RTL4: variants seen among roughly 807,000 people sequenced by gnomAD.
RTL4 encodes retrotransposon Gag-like protein 4.
In RTL4, 4 loss-of-function variants were observed where a neutral mutation model predicts 5.3. The observed-to-expected ratio is 0.75, with a 90% CI of 0.37 to 1.72. The LOEUF is 1.72. Ranked by LOEUF, RTL4 falls within the 40% of genes most tolerant of loss-of-function variation. The pLI, the probability that RTL4 is intolerant of heterozygous loss-of-function variation, is 0.04. For synonymous variants in RTL4, 98 were observed against 87.3 expected, an observed-to-expected ratio of 1.12 and a Z score of -0.68; for missense variants, 260 against 227.1, an observed-to-expected ratio of 1.14 and a Z score of -0.93.
chrX:112,121,418 T>A, the RTL4 span, among the ~76,000 whole-genome samples: 1 of 111,807 alleles, frequency 8.9e-6, no homozygotes, highest in African/African-American at 3.2e-5. Context: ...AAGTATAAAT[T>A]ATGAAAGATA....
the RTL4 span, among the ~76,000 whole-genome samples, chrX:112,262,817 G>A: frequency 9.0e-6 from 1 of 110,805 alleles, no homozygotes; most frequent in East Asian, 2.8e-4. Flanking sequence ...ATGATAGACT[G>A]GATTAAGAAA....
chrX:112,405,612 A>G, the RTL4 span, among the ~76,000 whole-genome samples: 1 of 111,423 alleles, frequency 9.0e-6, no homozygotes. Context: ...GAGGTAGTAG[A>G]TGGAGGCTAT....
At chrX:112,256,441 T>C in the RTL4 span, among the ~76,000 whole-genome samples, 1 of 112,180 alleles carries the variant, frequency 8.9e-6, no homozygotes, top group Non-Finnish European at 1.9e-5. Context: ...AATTCCAACA[T>C]AATATACGCT....
At chrX:112,220,134 CT>C in the RTL4 span, among the ~76,000 whole-genome samples, 142 of 112,096 alleles carry the variant, frequency 1.3e-3, no homozygotes, top group African/African-American at 4.4e-3. Context: ...GACTCTGCCC[CT>C]TTTTCCTAGA....
chrX:112,159,130 T>C, the RTL4 span, among the ~76,000 whole-genome samples: 1 of 112,665 alleles, frequency 8.9e-6, no homozygotes, highest in African/African-American at 3.2e-5. Flanking sequence ...TCTATGAATT[T>C]CCTTTTTGTG....
At chrX:112,344,618 T>A in the RTL4 span, among the ~76,000 whole-genome samples, 1 of 112,003 alleles carries the variant, frequency 8.9e-6, no homozygotes, top group Admixed American at 9.4e-5. Flanking sequence ...CACCAGGCCC[T>A]TCCTCCAACA....
the RTL4 span, among the ~76,000 whole-genome samples, chrX:112,276,239 C>A: frequency 9.1e-6 from 1 of 110,449 alleles, no homozygotes; most frequent in Non-Finnish European, 1.9e-5. Flanking sequence ...TGAGGGCAGA[C>A]TGAAAGGAAA....
At chrX:112,212,325 C>T in the RTL4 span, among the ~76,000 whole-genome samples, 4 of 111,207 alleles carry the variant, frequency 3.6e-5, no homozygotes, top group African/African-American at 9.8e-5. Flanking sequence ...TGCAGTGAGC[C>T]GAGACGCGCC....
chrX:112,160,086 G>A, the RTL4 span, among the ~76,000 whole-genome samples: 56 of 111,930 alleles, frequency 5.0e-4, no homozygotes, highest in African/African-American at 1.8e-3. Context: ...CCGAAGCAGA[G>A]GATAAGTATT....
the RTL4 span, among the ~76,000 whole-genome samples, chrX:112,365,104 C>G: frequency 9.0e-6 from 1 of 110,626 alleles, no homozygotes; most frequent in African/African-American, 3.3e-5. Flanking sequence ...AAAAAGAAAG[C>G]CTTTCAGAGG....
At chrX:112,350,960 G>C in the RTL4 span, among the ~76,000 whole-genome samples, 1 of 111,105 alleles carries the variant, frequency 9.0e-6, no homozygotes, top group Non-Finnish European at 1.9e-5. Context: ...TGTGATGTTA[G>C]GGCGTCAATT....
the RTL4 span, among the ~76,000 whole-genome samples, chrX:112,418,134 C>T: frequency 6.3e-5 from 7 of 111,149 alleles, no homozygotes; most frequent in East Asian, 5.7e-4. Context: ...GGCCACAGAG[C>T]GAGACTCTGT....
At chrX:112,259,034 T>A in the RTL4 span, among the ~76,000 whole-genome samples, 1 of 111,365 alleles carries the variant, frequency 9.0e-6, no homozygotes, top group Non-Finnish European at 1.9e-5. Context: ...TTTGTTTTCT[T>A]ATTATCCAGC....
the RTL4 span, among the ~76,000 whole-genome samples, chrX:112,261,722 G>A: frequency 6.3e-5 from 7 of 111,668 alleles, no homozygotes; most frequent in African/African-American, 1.6e-4. Context: ...CAAAAAAGAG[G>A]CCACATTGCC....
At chrX:112,314,828 C>T in the RTL4 span, among the ~76,000 whole-genome samples, 2 of 111,361 alleles carry the variant, frequency 1.8e-5, no homozygotes, top group African/African-American at 6.5e-5. Context: ...CTTTTCCATG[C>T]ACACTATCTC....
chrX:112,220,427 C>T, the RTL4 span, among the ~76,000 whole-genome samples: 1 of 112,722 alleles, frequency 8.9e-6, no homozygotes, highest in African/African-American at 3.2e-5. Flanking sequence ...GCCCATGAAA[C>T]CATTTTTCCC....
At chrX:112,441,932 T>C in the RTL4 span, among the ~76,000 whole-genome samples, 1 of 112,155 alleles carries the variant, frequency 8.9e-6, no homozygotes, top group Non-Finnish European at 1.9e-5. Flanking sequence ...TTGAATATTT[T>C]TGGCAACAAA....
the RTL4 span, among the ~76,000 whole-genome samples, chrX:112,412,022 C>T: frequency 1.1e-4 from 12 of 109,461 alleles, no homozygotes; most frequent in Non-Finnish European, 2.3e-4. Flanking sequence ...GATACAAAAT[C>T]AACATATAAA....
At chrX:112,099,429 G>T in the RTL4 span, among the ~76,000 whole-genome samples, 1 of 111,285 alleles carries the variant, frequency 9.0e-6, no homozygotes, top group African/African-American at 3.3e-5. Context: ...ATTTTAACTG[G>T]GACTTGAAGG....
Sources: gnomAD v4.1 joint callset for allele counts (sites outside exome capture counted in the v4.1 genomes callset) on GRCh38, gnomAD v4.1.1 for gene constraint, MANE v1.5 for transcripts, NCBI Gene and HGNC (gene_info 2026-07-23, HGNC 2026-07-21) for gene names.